Variants in FBXO8 observed in about 807,000 individuals in gnomAD.
FBXO8 encodes F-box protein 8.
Under a neutral mutation model 33.4 loss-of-function variants are expected in FBXO8, and 15 were observed. The ratio of observed to expected loss-of-function variants is 0.45; its 90% CI spans 0.30 to 0.69. The LOEUF is 0.69. Ranked by LOEUF, FBXO8 falls within the 30% of genes least tolerant of loss-of-function variation. FBXO8 has a pLI of 0.08. For synonymous variants in FBXO8, 132 were observed against 131.5 expected, an observed-to-expected ratio of 1.00 and a Z score of -0.02; for missense variants, 274 against 380.3, an observed-to-expected ratio of 0.72 and a Z score of 2.32.
intron 4 of FBXO8, among the ~76,000 whole-genome samples, chr4:174,240,578 AAC>A (rs1736013211): frequency 1.5e-5 from 1 of 68,794 alleles, no homozygotes; most frequent in Non-Finnish European, 2.8e-5. Flanking sequence ...ACAGCATACT[AAC>A]CATCATCTCT....
At position 174,251,917 on chromosome 4, in the gene FBXO8, T is replaced by A. The variant is rs1414484568; in HGVS notation, c.456+7782A>T. On this transcript the variant is annotated intron_variant, in intron 3 of 5. Transcript: ENST00000393674. The surrounding 1 kb of genome is among the most constrained non-coding windows in gnomAD (Gnocchi z 4.2). ...CACTGTCATCTAGCTTCTTTTGCCCTGATTAAATTCCCTTCAGCAAATTTG... is the reference window on the plus strand; with the variant it reads ...CACTGTCATCTAGCTTCTTTTGCCCAGATTAAATTCCCTTCAGCAAATTTG... Among the ~76,000 whole-genome samples the A allele has an allele frequency of 2.6e-5, 4 of 152,162 alleles. No homozygotes were observed. Among genetic ancestry groups the A allele is most frequent in the Non-Finnish European group, 5.9e-5 (4 of 68,022 alleles).
rs1465139712 is a variant in FBXO8, at chr4:174,274,093, C to T, written c.-9+9317G>A. ...AGCAATTTACCATCTGTTTCTTCACCACTGGTTCTCATCTCTTTTTACCCC... is the reference window on the plus strand; with the variant it reads ...AGCAATTTACCATCTGTTTCTTCACTACTGGTTCTCATCTCTTTTTACCCC... On this transcript the variant is annotated intron_variant, in intron 1 of 5. Coordinates refer to ENST00000393674, the MANE Select transcript of FBXO8 (RefSeq NM_012180.3). The surrounding 1 kb of genome is among the most constrained non-coding windows in gnomAD (Gnocchi z 4.0). Among the ~76,000 whole-genome samples, 1 of 152,166 alleles carries T rather than the reference C, an allele frequency of 6.6e-6. No homozygotes were observed. Among genetic ancestry groups the T allele is most frequent in the Non-Finnish European group, 1.5e-5 (1 of 68,028 alleles).
intron 1 of FBXO8, among the ~76,000 whole-genome samples, chr4:174,279,052 G>C (rs1737014905): frequency 6.6e-6 from 1 of 151,772 alleles, no homozygotes; most frequent in African/African-American, 2.4e-5. Context: ...ATGGTTCCAA[G>C]AGTAATTAGA....
intron 2 of FBXO8, among the ~76,000 whole-genome samples, chr4:174,260,636 G>A (rs1048219397): frequency 1.3e-5 from 2 of 152,040 alleles, no homozygotes; most frequent in East Asian, 3.9e-4. Flanking sequence ...AAAACACACT[G>A]CAGATTGGGA....
intron 1 of FBXO8, among the ~76,000 whole-genome samples, chr4:174,268,314 C>T (rs546870339): frequency 4.6e-5 from 7 of 152,282 alleles, no homozygotes; most frequent in African/African-American, 1.4e-4. Flanking sequence ...TGGCCAACCG[C>T]ACTATAACTC....
intron 3 of FBXO8, among the ~76,000 whole-genome samples, chr4:174,250,899 G>T (rs73009493): frequency 0.021 from 3,122 of 152,170 alleles, 47 homozygotes; most frequent in African/African-American, 0.044. Context: ...AAATCTAGAA[G>T]TAATATCAAG....
chr4:174,275,045 A>G lies in FBXO8; in HGVS notation c.-9+8365T>C, dbSNP rs1736928383. Among the ~76,000 whole-genome samples, 1 of 152,214 alleles carries G rather than the reference A, an allele frequency of 6.6e-6. No individual in the cohort carries two copies. Among genetic ancestry groups the G allele is most frequent in the African/African-American group, 2.4e-5 (1 of 41,452 alleles). On this transcript the variant is annotated intron_variant, in intron 1 of 5. Transcript: ENST00000393674. This position sits in a 1 kb window ranked among gnomAD's most constrained non-coding sequence, Gnocchi z 4.4. Reference sequence around the variant, plus strand: ...TTGAGAGAAAATATTTGTAAACCACATATCTGACGGACGAGTATCTAGAAT... The same window carrying G: ...TTGAGAGAAAATATTTGTAAACCACGTATCTGACGGACGAGTATCTAGAAT...
In FBXO8 at chr4:174,258,939, A is replaced by G. The variant is rs1471394498; in HGVS notation, c.456+760T>C. On this transcript the variant is annotated intron_variant, in intron 3 of 5. Transcript: ENST00000393674. ...ATTAGGTAAATTAAAATAATGCTGCAGATTAAATTTTTCCACAAAAAATAA... is the reference window on the plus strand; with the variant it reads ...ATTAGGTAAATTAAAATAATGCTGCGGATTAAATTTTTCCACAAAAAATAA... Among the ~76,000 whole-genome samples the G allele has an allele frequency of 5.9e-5, 9 of 152,180 alleles. No homozygotes were observed. In the East Asian group the frequency reaches 1.3e-3, roughly 23 times the overall value.
chr4:174,242,341 CATAAAACTTTTAT>C (rs1180110421), intron 3 of FBXO8, among the ~76,000 whole-genome samples: 1 of 151,490 alleles, frequency 6.6e-6, no homozygotes, highest in African/African-American at 2.4e-5. Flanking sequence ...AAAACTTTCT[CATAAAACTTTTAT>C]GGTAAAAATT....
chr4:174,259,673 T>C lies in FBXO8; in HGVS notation c.456+26A>G. 6.2e-7 allele frequency: 1 copy of C among 1,603,244 alleles called. No individual in the cohort carries two copies. Among genetic ancestry groups the C allele is most frequent in the Non-Finnish European group, 8.5e-7 (1 of 1,176,374 alleles). ...CAAGATAGTAATAAAGGTCACTGGATACAAATATTCAAGTTCTTCACTAAC... is the reference window on the plus strand; with the variant it reads ...CAAGATAGTAATAAAGGTCACTGGACACAAATATTCAAGTTCTTCACTAAC... On this transcript the variant is annotated intron_variant, in intron 3 of 5. Coordinates refer to ENST00000393674, the MANE Select transcript of FBXO8 (RefSeq NM_012180.3). This position sits in a 1 kb window ranked among gnomAD's most constrained non-coding sequence, Gnocchi z 4.3.
intron 1 of FBXO8, among the ~76,000 whole-genome samples, chr4:174,273,449 A>T (rs1458558059): frequency 6.6e-6 from 1 of 152,134 alleles, no homozygotes; most frequent in East Asian, 1.9e-4. Flanking sequence ...TATGTCGCAC[A>T]TTATTGAGAT....
rs1408926150 is a variant in FBXO8, at chr4:174,267,316, G to C, written c.-8-4216C>G. Among the ~76,000 whole-genome samples the C allele has an allele frequency of 6.6e-6, 1 of 152,158 alleles. No individual in the cohort carries two copies. The highest frequency in any genetic ancestry group is 1.5e-5 in the Non-Finnish European group (1 of 68,026). On this transcript the variant is annotated intron_variant, in intron 1 of 5. Transcript: ENST00000393674. The surrounding 1 kb of genome is among the most constrained non-coding windows in gnomAD (Gnocchi z 4.7). ...TAATCCCAGCACTTTTCGAGAAGCT[G>C]AGGCAGGAGGACTGCTTGAGACCAA...
At chr4:174,243,733 G>T (rs769298914) in intron 3 of FBXO8, among the ~76,000 whole-genome samples, 1 of 151,058 alleles carries the variant, frequency 6.6e-6, no homozygotes, top group Non-Finnish European at 1.5e-5. Context: ...GACTAGTCAG[G>T]ACTAGAACTC....
Position 174,274,845 on chromosome 4 carries a change from A to C in FBXO8, c.-9+8565T>G, listed in dbSNP as rs1404726832. On this transcript the variant is annotated intron_variant, in intron 1 of 5. Transcript: ENST00000393674. The surrounding 1 kb of genome is among the most constrained non-coding windows in gnomAD (Gnocchi z 4.0). Reference sequence around the variant, plus strand: ...CTTAAACGTAAAACATAAAACTATAAAAATTTTAGAAAAATACATAGAAGG... The same window carrying C: ...CTTAAACGTAAAACATAAAACTATACAAATTTTAGAAAAATACATAGAAGG... 6.6e-6 allele frequency among the ~76,000 whole-genome samples: 1 copy of C among 152,244 alleles called. No individual in the cohort carries two copies. Among genetic ancestry groups the C allele is most frequent in the East Asian group, 1.9e-4 (1 of 5,202 alleles).
Position 174,274,931 on chromosome 4 carries a change from T to G in FBXO8, c.-9+8479A>C, listed in dbSNP as rs1408643230. Among the ~76,000 whole-genome samples, 1 of 152,176 alleles carries G rather than the reference T, an allele frequency of 6.6e-6. No individual in the cohort carries two copies. The highest frequency in any genetic ancestry group is 1.5e-5 in the Non-Finnish European group (1 of 68,024). On this transcript the variant is annotated intron_variant, in intron 1 of 5. Transcript: ENST00000393674. The surrounding 1 kb of genome is among the most constrained non-coding windows in gnomAD (Gnocchi z 4.0). ...CAGACTTATATCAAAAGGATGATCA[T>G]GAAAGTAAAAATTGATCGAATTCAT...
rs181146156 is a variant in FBXO8 at position 174,267,790 on chromosome 4, A to G, written c.-8-4690T>C. Among the ~76,000 whole-genome samples, 30 of 152,350 alleles carry G rather than the reference A, an allele frequency of 2.0e-4. No individual in the cohort carries two copies. The highest frequency in any genetic ancestry group is 6.7e-4 in the African/African-American group (28 of 41,578). ...ACTGAAACATAATATTATAAAAGATATATTACTGTCCTGTCACTTGCAGCA... is the reference window on the plus strand; with the variant it reads ...ACTGAAACATAATATTATAAAAGATGTATTACTGTCCTGTCACTTGCAGCA... On this transcript the variant is annotated intron_variant, in intron 1 of 5. Coordinates refer to ENST00000393674, the MANE Select transcript of FBXO8 (RefSeq NM_012180.3). The surrounding 1 kb of genome is among the most constrained non-coding windows in gnomAD (Gnocchi z 4.7).
chr4:174,282,589 G>C (rs552825088), intron 1 of FBXO8, among the ~76,000 whole-genome samples: 1 of 123,120 alleles, frequency 8.1e-6, no homozygotes, highest in South Asian at 2.8e-4. Context: ...AGTGTGTAGA[G>C]CTCCTACCTC....
intron 1 of FBXO8, among the ~76,000 whole-genome samples, chr4:174,282,996 T>G (rs939619954): frequency 6.6e-6 from 1 of 152,228 alleles, no homozygotes; most frequent in African/African-American, 2.4e-5. Context: ...ACTATACTTG[T>G]GTTTGCATTC....
At chr4:174,246,344 G>A (rs1276080810) in intron 3 of FBXO8, among the ~76,000 whole-genome samples, 1 of 151,980 alleles carries the variant, frequency 6.6e-6, no homozygotes, top group East Asian at 1.9e-4. Flanking sequence ...AAGGAACACA[G>A]CTAGTTTTCT....
Sources: gnomAD v4.1 joint callset for allele counts (sites outside exome capture counted in the v4.1 genomes callset) on GRCh38, gnomAD v4.1.1 for gene constraint, Gnocchi (gnomAD v3.1) non-coding constraint, MANE v1.5 for transcripts, NCBI Gene and HGNC (gene_info 2026-07-23, HGNC 2026-07-21) for gene names.